Variants in ENG observed in about 807,000 individuals in gnomAD.
ENG encodes endoglin, also known as CD105 antigen.
Under a neutral mutation model 71.0 loss-of-function variants are expected in ENG, and 17 were observed. The ratio of observed to expected loss-of-function variants is 0.24; its 90% CI spans 0.16 to 0.36. The LOEUF is 0.36. Among genes scored for constraint, ENG ranks in the 10% least tolerant of loss-of-function variants. ENG has a pLI of 1.00. For missense variants in ENG, 749 were observed against 868.3 expected (o/e 0.86, Z 1.73); for synonymous variants, 360 against 366.9 (o/e 0.98, Z 0.21).
At chr9:127,820,786 A>C (rs1235914488) in intron 8 of ENG, among the ~76,000 whole-genome samples, 1 of 151,480 alleles carries the variant, frequency 6.6e-6, no homozygotes, top group Non-Finnish European at 1.5e-5. Context: ...CCGAGATCGC[A>C]CCATTGCACT....
intron 1 of ENG, among the ~76,000 whole-genome samples, chr9:127,851,586 A>G (rs1449076126): frequency 6.6e-6 from 1 of 152,034 alleles, no homozygotes; most frequent in African/African-American, 2.4e-5. Flanking sequence ...GTGTCTGAGA[A>G]AGTCAAAGTC....
chr9:127,822,992 C>G (rs375309826), intron 8 of ENG, among the ~76,000 whole-genome samples: 24 of 152,094 alleles, frequency 1.6e-4, no homozygotes, highest in African/African-American at 5.5e-4. Flanking sequence ...AGGCGTGCAC[C>G]ACCACGTCCG....
chr9:127,818,224 G>A lies in ENG; in HGVS notation c.1582C>T (p.Pro528Ser), dbSNP rs369183236. 2.5e-6 allele frequency: 4 copies of A among 1,614,144 alleles called. No homozygotes were observed. The East Asian group carries it at 6.7e-5, about 27-fold the overall frequency. The change falls in exon 12 of 15, where the codon CCG becomes TCG. Residue 528 changes from proline to serine, a missense_variant. Physicochemically the swap from Pro to Ser is moderately conservative, Grantham distance 74. Transcript: ENST00000373203. Reference sequence around the variant, plus strand: ...AAGTGGAGGAGGAAGCTGAAGCGCGGGTCACCCTCGGGGCTTGGGGACAGC... The same window carrying A: ...AAGTGGAGGAGGAAGCTGAAGCGCGAGTCACCCTCGGGGCTTGGGGACAGC... ...SLLSPSPEGD[P>S]RFSFLLHFYT...
At chr9:127,832,069 CTTTTT>C (rs1041729379) in intron 2 of ENG, among the ~76,000 whole-genome samples, 12 of 83,618 alleles carry the variant, frequency 1.4e-4, no homozygotes, top group African/African-American at 2.3e-4. Context: ...AGCTACCATT[CTTTTT>C]TTTTTTTTTT....
At chr9:127,822,117 G>A (rs952460617) in intron 8 of ENG, among the ~76,000 whole-genome samples, 1 of 152,068 alleles carries the variant, frequency 6.6e-6, no homozygotes, top group Non-Finnish European at 1.5e-5. Context: ...CAAATCAAGG[G>A]AAGTGGTGGC....
chr9:127,837,008 C>T (rs1363206010), intron 2 of ENG, among the ~76,000 whole-genome samples: 5 of 152,152 alleles, frequency 3.3e-5, no homozygotes, highest in African/African-American at 9.7e-5. Flanking sequence ...AGGCTGGTCT[C>T]GAACTCCTGA....
intron 3 of ENG, among the ~76,000 whole-genome samples, chr9:127,827,657 A>T (rs1830655002): frequency 6.6e-6 from 1 of 152,178 alleles, no homozygotes; most frequent in Admixed American, 6.5e-5. Context: ...AATATTTTTT[A>T]TTATAATTTT....
At chr9:127,818,620 G>C in intron 11 of ENG, 96 bp downstream of exon 11, 1 of 1,452,580 alleles carries the variant, frequency 6.9e-7, no homozygotes, top group African/African-American at 1.4e-5. Context: ...TCCTGACTCT[G>C]GGAGTCTCAT....
chr9:127,816,700 C>T (rs988813971), intron 13 of ENG: 4 of 259,536 alleles, frequency 1.5e-5, no homozygotes, highest in Admixed American at 9.7e-5. Flanking sequence ...CCACCAGTGT[C>T]GGGACTCTTC....
chr9:127,829,702 T>G lies in ENG; in HGVS notation c.345A>C (p.Pro115=). 6.2e-7 allele frequency: 1 copy of G among 1,613,928 alleles called. No homozygotes were observed. Among genetic ancestry groups the G allele is most frequent in the East Asian group, 2.2e-5 (1 of 44,874 alleles). The part of the protein sequence containing the change: ...VFLHLQALGI[P]LHLAYNSSLV... ...ACACACTCACGTAGGCCAAGTGCAG[T>G]GGGATTCCCAGGGCCTGGAGATGCA... The change falls in exon 3 of 15, where the codon CCA becomes CCC. Residue 115 remains proline (P), a synonymous_variant. Transcript: ENST00000373203.
At chr9:127,839,841 C>G (rs1281006635) in intron 2 of ENG, among the ~76,000 whole-genome samples, 1 of 152,120 alleles carries the variant, frequency 6.6e-6, no homozygotes, top group East Asian at 1.9e-4. Flanking sequence ...CAGGTGTGAG[C>G]CACTGCGCCT....
intron 9 of ENG, 87 bp from the exon 10 acceptor site, chr9:127,819,747 G>A: frequency 1.3e-6 from 2 of 1,587,556 alleles, no homozygotes; most frequent in Non-Finnish European, 8.6e-7. Context: ...TGCAGATGGG[G>A]AGACTAAGCC....
chr9:127,854,241 C>G (rs539448128), intron 1 of ENG, 48 bp downstream of exon 1: 5 of 1,540,842 alleles, frequency 3.2e-6, no homozygotes, highest in Non-Finnish European at 4.4e-6. Flanking sequence ...GGGCCTGGTC[C>G]GTGCACCGGA....
intron 8 of ENG, among the ~76,000 whole-genome samples, chr9:127,823,561 T>G (rs1182865872): frequency 1.3e-5 from 2 of 151,690 alleles, no homozygotes; most frequent in South Asian, 2.1e-4. Context: ...GTTAATTTTT[T>G]GTATTTTTAG....
intron 10 of ENG, 103 bp from the exon 11 acceptor site, chr9:127,818,935 ACT>A (rs1479728927): frequency 1.9e-5 from 17 of 916,886 alleles, no homozygotes; most frequent in Middle Eastern, 3.5e-4. Context: ...GAGTTGCCTG[ACT>A]CTCTTTTTTT....
At chr9:127,833,753 A>T (rs1401254178) in intron 2 of ENG, among the ~76,000 whole-genome samples, 4 of 152,190 alleles carry the variant, frequency 2.6e-5, no homozygotes, top group African/African-American at 9.7e-5. Context: ...ACTTTTAATC[A>T]TCTTGCCATT....
At chr9:127,817,301 CT>C in intron 12 of ENG, 98 bp from the exon 13 acceptor site, 1 of 1,255,836 alleles carries the variant, frequency 8.0e-7, no homozygotes, top group Non-Finnish European at 1.2e-6. Flanking sequence ...AGAGCCTTGG[CT>C]TTGAATCCCA....
At chr9:127,821,973 C>G (rs1329700254) in intron 8 of ENG, among the ~76,000 whole-genome samples, 1 of 151,168 alleles carries the variant, frequency 6.6e-6, no homozygotes. Flanking sequence ...TCACTTGAAC[C>G]CGGGAGGTGG....
intron 6 of ENG, 68 bp from the exon 7 acceptor site, chr9:127,825,042 G>A: frequency 3.8e-6 from 6 of 1,591,856 alleles, no homozygotes; most frequent in Non-Finnish European, 4.3e-6. Context: ...GGCCAGCCAG[G>A]GTTATGCCAG....
Sources: allele counts gnomAD v4.1 joint callset (sites outside exome capture counted in the v4.1 genomes callset), GRCh38; gene constraint gnomAD v4.1.1; transcripts MANE v1.5; gene names NCBI Gene and HGNC (gene_info 2026-07-23, HGNC 2026-07-21).